MTUS2: variants seen among roughly 807,000 people sequenced by gnomAD.
MTUS2 encodes microtubule-associated tumor suppressor candidate 2.
Under a neutral mutation model 114.1 loss-of-function variants are expected in MTUS2, and 40 were observed. The observed-to-expected ratio is 0.35, with a 90% CI of 0.27 to 0.46. MTUS2 has a LOEUF of 0.46. Among genes scored for constraint, MTUS2 ranks in the 20% least tolerant of loss-of-function variants. The probability of loss-of-function intolerance (pLI) is 1.00; values close to 1 mark genes in which losing one functional copy is unlikely to be tolerated. For missense variants in MTUS2, 1,679 were observed against 1,705.4 expected (o/e 0.98, Z 0.27); for synonymous variants, 688 against 672.0 (o/e 1.02, Z -0.37).
In MTUS2 at chr13:29,504,851, C is replaced by A; in HGVS notation, c.*1645C>A. ...GAACCATGAGGGGGTCCTGCAGGGGCCGGAGCCATGGAACGGGGAAGAAAA... is the reference window on the plus strand; with the variant it reads ...GAACCATGAGGGGGTCCTGCAGGGGACGGAGCCATGGAACGGGGAAGAAAA... On this transcript the variant is annotated 3_prime_UTR_variant, in exon 16 of 16. Coordinates refer to ENST00000612955, the MANE Select transcript of MTUS2 (RefSeq NM_001033602.4). 4.3e-6 allele frequency: 1 copy of A among 232,740 alleles called. No homozygotes were observed. Among genetic ancestry groups the A allele is most frequent in the East Asian group, 6.1e-5 (1 of 16,520 alleles). The allele number at this position is 232,740 out of a possible 1,614,324, so 14.4% of individuals were successfully genotyped here.
intron 5 of MTUS2, among the ~76,000 whole-genome samples, chr13:29,127,613 A>G (rs754942928): frequency 1.8e-4 from 27 of 152,074 alleles, no homozygotes; most frequent in Admixed American, 6.5e-5. Flanking sequence ...CAGCCCCCAT[A>G]ATTGGGTAAT....
chr13:29,323,225 A>G (rs1314336183), intron 6 of MTUS2, among the ~76,000 whole-genome samples: 3 of 151,794 alleles, frequency 2.0e-5, no homozygotes, highest in African/African-American at 7.3e-5. Context: ...ACTGAATTAC[A>G]GTATGTCTTT....
chr13:29,429,124 T>A (rs1876805825), intron 8 of MTUS2, among the ~76,000 whole-genome samples: 1 of 152,256 alleles, frequency 6.6e-6, no homozygotes, highest in African/African-American at 2.4e-5. Flanking sequence ...ATTCCTGCAG[T>A]CTCAAATGTA....
chr13:29,062,488 C>G (rs1888468500), intron 4 of MTUS2, among the ~76,000 whole-genome samples: 1 of 152,252 alleles, frequency 6.6e-6, no homozygotes, highest in South Asian at 2.1e-4. Flanking sequence ...GAGCTGGAGA[C>G]AGAAACAGCC....
intron 5 of MTUS2, among the ~76,000 whole-genome samples, chr13:29,156,129 T>C (rs1003886619): frequency 6.6e-6 from 1 of 152,122 alleles, no homozygotes; most frequent in Non-Finnish European, 1.5e-5. Context: ...TACTGTTAAT[T>C]ATTTAGGGTG....
At chr13:29,181,153 C>T (rs1274683252) in intron 5 of MTUS2, among the ~76,000 whole-genome samples, 1 of 152,052 alleles carries the variant, frequency 6.6e-6, no homozygotes, top group Non-Finnish European at 1.5e-5. Flanking sequence ...GAAACCACAG[C>T]CATATTCTCT....
chr13:29,040,958 G>C (rs1887325010), intron 4 of MTUS2, among the ~76,000 whole-genome samples: 1 of 151,766 alleles, frequency 6.6e-6, no homozygotes, highest in African/African-American at 2.4e-5. Flanking sequence ...CTTTTTAGTT[G>C]AATTAAGTCC....
chr13:28,896,922 C>A (rs1429196959), intron 2 of MTUS2, among the ~76,000 whole-genome samples: 2 of 152,186 alleles, frequency 1.3e-5, no homozygotes, highest in Admixed American at 6.5e-5. Context: ...TTAAGACTTA[C>A]ATGTTAGACC....
intron 2 of MTUS2, among the ~76,000 whole-genome samples, chr13:28,996,577 C>T (rs1445503617): frequency 1.3e-5 from 2 of 152,088 alleles, no homozygotes; most frequent in African/African-American, 4.8e-5. Flanking sequence ...AATTTCAGAG[C>T]CTGTTATCGG....
At chr13:29,036,587 G>C (rs6490342) in intron 4 of MTUS2, among the ~76,000 whole-genome samples, 1 of 152,170 alleles carries the variant, frequency 6.6e-6, no homozygotes, top group South Asian at 2.1e-4. Flanking sequence ...TCGTTGATCT[G>C]TCTAATATTG....
At chr13:29,062,372 T>A (rs1283909928) in intron 4 of MTUS2, among the ~76,000 whole-genome samples, 1 of 152,228 alleles carries the variant, frequency 6.6e-6, no homozygotes. Flanking sequence ...GGATTCTGTG[T>A]AGGTCTTTGG....
intron 4 of MTUS2, among the ~76,000 whole-genome samples, chr13:29,046,814 C>G (rs1354222741): frequency 5.3e-5 from 8 of 152,254 alleles, no homozygotes; most frequent in South Asian, 4.1e-4. Context: ...AGCTCACATT[C>G]CTTTCCTTAT....
Position 29,317,576 on chromosome 13 carries a change from C to T in MTUS2, c.2807-7037C>T, listed in dbSNP as rs1384038510. Among the ~76,000 whole-genome samples, 4 of 46,336 alleles carry T rather than the reference C, an allele frequency of 8.6e-5. 2 individuals carry two copies. Among genetic ancestry groups the T allele is most frequent in the Non-Finnish European group, 1.9e-4 (4 of 21,570 alleles). The allele number at this position is 46,336 out of a possible 152,430, so 30.4% of individuals were successfully genotyped here. Reference sequence around the variant, plus strand: ...GCCTCAGCCTCCCGAGTAGCTGGGACTACAGGCGCCCGCCACCGCGCCCGG... The same window carrying T: ...GCCTCAGCCTCCCGAGTAGCTGGGATTACAGGCGCCCGCCACCGCGCCCGG... On this transcript the variant is annotated intron_variant, in intron 6 of 15. Transcript: ENST00000612955.
chr13:29,349,871 GT>G (rs1566146817), intron 7 of MTUS2, among the ~76,000 whole-genome samples: 1 of 152,094 alleles, frequency 6.6e-6, no homozygotes, highest in Non-Finnish European at 1.5e-5. Flanking sequence ...TGTGCTTGAA[GT>G]TTGTTGAAAT....
intron 2 of MTUS2, among the ~76,000 whole-genome samples, chr13:28,920,216 C>T (rs1880968419): frequency 6.6e-6 from 1 of 152,218 alleles, no homozygotes; most frequent in Non-Finnish European, 1.5e-5. Context: ...TGTAGTCTCA[C>T]AGTCTGGGCT....
intron 5 of MTUS2, among the ~76,000 whole-genome samples, chr13:29,235,610 T>C (rs1156371609): frequency 6.6e-6 from 1 of 152,212 alleles, no homozygotes; most frequent in Non-Finnish European, 1.5e-5. Flanking sequence ...TAAGGAATTA[T>C]CCCGATTCAG....
intron 6 of MTUS2, among the ~76,000 whole-genome samples, chr13:29,316,083 G>A (rs556793952): frequency 6.6e-6 from 1 of 152,262 alleles, no homozygotes; most frequent in African/African-American, 2.4e-5. Flanking sequence ...ACTGCACCTG[G>A]GGGGTGTGAG....
rs988963110 is a variant in MTUS2, at chr13:29,480,098, C to T, written c.3185-52C>T. The T allele has an allele frequency of 1.4e-5, 21 of 1,536,102 alleles. No homozygotes were observed. Among genetic ancestry groups the T allele is most frequent in the Non-Finnish European group, 1.7e-5 (19 of 1,135,356 alleles). The stretch of plus-strand genomic sequence containing the variant: ...TCTGACCATGGAGGCTGAGTCCTTC[C>T]CATGCCTCCTACGGCCATTTTTTAA... On this transcript the variant is annotated intron_variant, in intron 9 of 15. Transcript: ENST00000612955. The surrounding 1 kb of genome is among the most constrained non-coding windows in gnomAD (Gnocchi z 4.4).
At chr13:29,419,411 T>C (rs1485899164) in intron 8 of MTUS2, among the ~76,000 whole-genome samples, 1 of 152,150 alleles carries the variant, frequency 6.6e-6, no homozygotes, top group Non-Finnish European at 1.5e-5. Context: ...TTGATACCAC[T>C]GAAGGTGGGA....
Sources: allele counts gnomAD v4.1 joint callset (sites outside exome capture counted in the v4.1 genomes callset), GRCh38; gene constraint gnomAD v4.1.1; non-coding constraint Gnocchi (gnomAD v3.1); transcripts MANE v1.5; gene names NCBI Gene and HGNC (gene_info 2026-07-23, HGNC 2026-07-21).